FRMD4B: variants seen among roughly 807,000 people sequenced by gnomAD.
FRMD4B encodes the protein FERM domain containing 4B, also known as FERM domain-containing protein 4B.
A neutral mutation model predicts 141.5 loss-of-function variants in FRMD4B; 74 were observed. The ratio of observed to expected loss-of-function variants is 0.52; its 90% CI spans 0.43 to 0.63. The LOEUF (loss-of-function observed/expected upper bound fraction) is 0.63, where lower values mean the gene tolerates loss of function less well. FRMD4B is among the 30% of genes least tolerant of loss of function. FRMD4B has a pLI of 0.00. For missense variants in FRMD4B, 1,366 were observed against 1,253.4 expected (o/e 1.09, Z -1.36); for synonymous variants, 506 against 467.9 (o/e 1.08, Z -1.05).
In FRMD4B at chr3:69,416,875, A is replaced by G. The variant is rs530407186; in HGVS notation, c.-1+15759T>C. ...CTTCATCCATGTCCCTGCAAAGGAC[A>G]TGAACTCATTCTTTTTTATGGCTGC... On this transcript the variant is annotated intron_variant, in intron 2 of 5. Transcript: ENST00000459638. 1.0e-3 allele frequency among the ~76,000 whole-genome samples: 153 copies of G among 152,322 alleles called. 1 individual carries two copies. Among genetic ancestry groups the G allele is most frequent in the African/African-American group, 3.6e-3 (150 of 41,570 alleles).
At chr3:69,284,518 A>G (rs2093658378) in intron 5 of FRMD4B, among the ~76,000 whole-genome samples, 2 of 152,192 alleles carry the variant, frequency 1.3e-5, no homozygotes, top group Non-Finnish European at 2.9e-5. Context: ...AGACTAACAA[A>G]TCATAAAAGC....
chr3:69,277,214 G>A (rs78513350), intron 5 of FRMD4B, among the ~76,000 whole-genome samples: 2,354 of 152,096 alleles, frequency 0.015, 53 homozygotes, highest in African/African-American at 0.053. Flanking sequence ...AGAAAAGGGA[G>A]CCCCATGAAG....
Position 69,176,592 on chromosome 3 carries a change from C to T in FRMD4B, c.2916G>A (p.Glu972=), listed in dbSNP as rs749853829. The T allele has an allele frequency of 6.2e-7, 1 of 1,607,720 alleles. No homozygotes were observed. The highest frequency in any genetic ancestry group is 8.5e-7 in the Non-Finnish European group (1 of 1,174,202). The change falls in exon 22 of 23, where the codon GAG becomes GAA. Residue 972 remains glutamate (E), a synonymous_variant. Transcript: ENST00000398540. ...TQLTIGLSDY[E]TPAHSSYTSC... is the part of the protein sequence containing the mutation. ...TGGTGTAAGAAGAATGTGCTGGAGT[C>T]TCGTAATCCGACAGCCCTATGGTTA...
chr3:69,299,412 T>C (rs1483934073), intron 4 of FRMD4B, among the ~76,000 whole-genome samples: 1 of 152,128 alleles, frequency 6.6e-6, no homozygotes, highest in Non-Finnish European at 1.5e-5. Context: ...ACAACATCCC[T>C]GGTAACAGTG....
intron 1 of FRMD4B, among the ~76,000 whole-genome samples, chr3:69,509,552 G>A (rs1298221400): frequency 3.9e-5 from 6 of 152,092 alleles, no homozygotes; most frequent in African/African-American, 1.4e-4. Context: ...TTTGATGAAA[G>A]AGTTCTCAGA....
At chr3:69,263,550 G>T (rs1373465515) in intron 5 of FRMD4B, among the ~76,000 whole-genome samples, 3 of 151,496 alleles carry the variant, frequency 2.0e-5, no homozygotes, top group Non-Finnish European at 4.4e-5. Context: ...GGGACTAAAG[G>T]TGTGTGCCAC....
intron 1 of FRMD4B, among the ~76,000 whole-genome samples, chr3:69,318,953 G>A (rs1701897409): frequency 6.6e-6 from 1 of 152,184 alleles, no homozygotes; most frequent in Non-Finnish European, 1.5e-5. Context: ...AGGCTCCTGG[G>A]AGGTGTGATG....
chr3:69,391,490 C>T (rs1450770939), intron 2 of FRMD4B, among the ~76,000 whole-genome samples: 1 of 150,006 alleles, frequency 6.7e-6, no homozygotes, highest in Admixed American at 6.7e-5. Flanking sequence ...TGAGTGAGAA[C>T]CTGCGCTGTT....
At chr3:69,300,543 T>C (rs768010360) in intron 4 of FRMD4B, among the ~76,000 whole-genome samples, 3 of 152,186 alleles carry the variant, frequency 2.0e-5, no homozygotes, top group Non-Finnish European at 4.4e-5. Context: ...TCCTTTGGTA[T>C]TCTGTGACCC....
At chr3:69,307,992 T>C (rs1294963070) in intron 3 of FRMD4B, among the ~76,000 whole-genome samples, 2 of 152,140 alleles carry the variant, frequency 1.3e-5, no homozygotes, top group African/African-American at 4.8e-5. Flanking sequence ...ACAAAATAAC[T>C]CTTGCCTAGG....
intron 18 of FRMD4B, 101 bp downstream of exon 18, chr3:69,189,795 T>C: frequency 1.4e-6 from 1 of 735,000 alleles, no homozygotes. Flanking sequence ...TTCTACTTTT[T>C]CTCAAAAGAA....
At chr3:69,476,271 C>A (rs1362634231) in intron 1 of FRMD4B, among the ~76,000 whole-genome samples, 1 of 151,952 alleles carries the variant, frequency 6.6e-6, no homozygotes, top group Non-Finnish European at 1.5e-5. Context: ...GACATGAAGT[C>A]CTTGCCCATG....
intron 5 of FRMD4B, among the ~76,000 whole-genome samples, chr3:69,285,454 G>A (rs1244104257): frequency 6.8e-6 from 1 of 147,380 alleles, no homozygotes; most frequent in Non-Finnish European, 1.5e-5. Context: ...CGAATTTGAT[G>A]ACAACTATAA....
upstream of FRMD4B, among the ~76,000 whole-genome samples, chr3:69,389,880 C>T (rs1052932977): frequency 6.6e-6 from 1 of 151,654 alleles, no homozygotes; most frequent in Admixed American, 6.6e-5. Flanking sequence ...ATCAAGCTAG[C>T]TTCAACATTG....
chr3:69,317,754 C>CAAA lies in FRMD4B; in HGVS notation c.163-4240_163-4238dup, dbSNP rs765280161. On this transcript the variant is annotated intron_variant, in intron 1 of 22. Transcript: ENST00000398540. ...TAGGTGACAGAGCAAGACACCAACT[C>CAAA]AAAAAAAAAAAAAAAAAAAAAAAAG... 1.0e-2 allele frequency among the ~76,000 whole-genome samples: 519 copies of CAAA among 52,130 alleles called. 2 individuals carry two copies. Among genetic ancestry groups the CAAA allele is most frequent in the East Asian group, 0.017 (23 of 1,342 alleles). The allele number at this position is 52,130 out of a possible 152,430, so 34.2% of individuals were successfully genotyped here.
intron 1 of FRMD4B, among the ~76,000 whole-genome samples, chr3:69,382,877 T>A (rs1843044): frequency 0.51 from 76,710 of 151,864 alleles, 19,634 homozygotes; most frequent in East Asian, 0.61. Flanking sequence ...CAAGACCAGG[T>A]CTGAAAGCAT....
chr3:69,222,504 G>A (rs1007987955), intron 8 of FRMD4B, among the ~76,000 whole-genome samples: 2 of 151,024 alleles, frequency 1.3e-5, no homozygotes, highest in Non-Finnish European at 1.5e-5. Context: ...AAGCGCAGTG[G>A]CTCATACCTG....
chr3:69,260,470 C>T (rs1241483668), intron 5 of FRMD4B, among the ~76,000 whole-genome samples: 6 of 152,350 alleles, frequency 3.9e-5, no homozygotes, highest in East Asian at 1.9e-4. Flanking sequence ...GGCCCACCTG[C>T]GTCGCGCTCG....
Position 69,386,036 on chromosome 3 carries a change from C to G in FRMD4B, c.-47G>C. On this transcript the variant is annotated 5_prime_UTR_variant, in exon 1 of 23. Transcript: ENST00000398540. ...CCGGGCGTCCCGGCTCTCGTACGTG[C>G]AGCCCCGACCCCAGCGGCCTGCCCG... is the stretch of plus-strand genomic sequence containing the variant. The G allele has an allele frequency of 2.8e-6, 4 of 1,430,828 alleles. No individual in the cohort carries two copies. In the South Asian group the frequency reaches 6.0e-5, roughly 22 times the overall value. The allele number at this position is 1,430,828 out of a possible 1,614,324, so 88.6% of individuals were successfully genotyped here.
Sources: allele counts gnomAD v4.1 joint callset (sites outside exome capture counted in the v4.1 genomes callset), GRCh38; gene constraint gnomAD v4.1.1; transcripts MANE v1.5; gene names NCBI Gene and HGNC (gene_info 2026-07-23, HGNC 2026-07-21).